Variants in R3HDM1 observed in about 807,000 individuals in gnomAD.
R3HDM1 encodes the protein R3H domain containing 1, also known as R3H domain-containing protein 1.
Under a neutral mutation model 141.1 loss-of-function variants are expected in R3HDM1, and 46 were observed. The observed-to-expected ratio is 0.33, with a 90% CI of 0.26 to 0.42. R3HDM1 has a LOEUF of 0.42. R3HDM1 is among the 10% of genes least tolerant of loss of function. R3HDM1 has a pLI of 1.00. For synonymous variants in R3HDM1, 435 were observed against 472.9 expected (o/e 0.92, Z 1.04); for missense variants, 1,184 against 1,368.3 (o/e 0.87, Z 2.12).
intron 16 of R3HDM1, among the ~76,000 whole-genome samples, chr2:135,646,057 C>T (rs2064360893): frequency 6.6e-6 from 1 of 152,072 alleles, no homozygotes; most frequent in African/African-American, 2.4e-5. Context: ...TTTTCACATT[C>T]AGTCTTTTTC....
At chr2:135,712,100 C>T (rs1384654033) in intron 23 of R3HDM1, among the ~76,000 whole-genome samples, 1 of 151,958 alleles carries the variant, frequency 6.6e-6, no homozygotes, top group Non-Finnish European at 1.5e-5. Context: ...ACAGTTGAAC[C>T]TGGATGATGG....
intron 1 of R3HDM1, among the ~76,000 whole-genome samples, chr2:135,602,024 G>A (rs190011848): frequency 6.7e-6 from 1 of 148,342 alleles, no homozygotes; most frequent in Non-Finnish European, 1.5e-5. Flanking sequence ...AATGTTAAAT[G>A]GCTTGTTATT....
chr2:135,551,370 G>A (rs1699816383), intron 1 of R3HDM1, among the ~76,000 whole-genome samples: 1 of 152,288 alleles, frequency 6.6e-6, no homozygotes, highest in South Asian at 2.1e-4. Flanking sequence ...GTATTAAGTA[G>A]TTTAAAACTA....
chr2:135,635,334 G>A (rs2063154741), intron 9 of R3HDM1, among the ~76,000 whole-genome samples: 1 of 152,180 alleles, frequency 6.6e-6, no homozygotes, highest in Admixed American at 6.5e-5. Flanking sequence ...TTTAGACGAG[G>A]CAGTACAGGC....
intron 3 of R3HDM1, chr2:135,606,010 A>G (rs574945749): frequency 6.6e-6 from 1 of 151,948 alleles, no homozygotes; most frequent in East Asian, 1.9e-4. Context: ...ATATCTCATC[A>G]TTTATCAGTC....
intron 16 of R3HDM1, among the ~76,000 whole-genome samples, chr2:135,649,696 T>G (rs1236346623): frequency 3.9e-5 from 6 of 152,234 alleles, no homozygotes; most frequent in Non-Finnish European, 8.8e-5. Flanking sequence ...TGTAATAAAT[T>G]CAGGCGTACA....
chr2:135,601,636 C>T (rs2059627123), intron 1 of R3HDM1, among the ~76,000 whole-genome samples: 1 of 152,146 alleles, frequency 6.6e-6, no homozygotes, highest in Admixed American at 6.5e-5. Flanking sequence ...ATAAAACCGA[C>T]TTCAAAAATA....
At chr2:135,613,720 G>A (rs1574354564) in intron 3 of R3HDM1, among the ~76,000 whole-genome samples, 1 of 152,184 alleles carries the variant, frequency 6.6e-6, no homozygotes, top group East Asian at 1.9e-4. Context: ...GGAGGCTGAG[G>A]CAGGAGAATT....
intron 7 of R3HDM1, among the ~76,000 whole-genome samples, chr2:135,626,822 C>T (rs1444360805): frequency 6.6e-6 from 1 of 152,126 alleles, no homozygotes; most frequent in Non-Finnish European, 1.5e-5. Flanking sequence ...AATAGTAATA[C>T]TGATATTGGA....
chr2:135,644,183 G>A (rs1054597282), intron 15 of R3HDM1, among the ~76,000 whole-genome samples: 4 of 152,062 alleles, frequency 2.6e-5, no homozygotes, highest in African/African-American at 9.7e-5. Flanking sequence ...GTTACTTTTT[G>A]TAATAAGAAA....
Position 135,602,634 on chromosome 2 carries a change from T to C in R3HDM1, c.-115T>C. ...TACAGTTGACATCCTGGCTGACAAC[T>C]GTGAAAAAGAACCTTGGATTATTTT... On this transcript the variant is annotated 5_prime_UTR_variant, in exon 2 of 27. Transcript: ENST00000683871. 1 of 1,548,186 alleles carries C rather than the reference T, an allele frequency of 6.5e-7. No individual in the cohort carries two copies.
chr2:135,561,253 C>A, intron 1 of R3HDM1: 1 of 975,214 alleles, frequency 1.0e-6, no homozygotes, highest in Non-Finnish European at 1.2e-6. Context: ...AAATTTTTCT[C>A]TTTTTAGTGA....
intron 7 of R3HDM1, among the ~76,000 whole-genome samples, chr2:135,629,755 C>T (rs1456584486): frequency 6.6e-6 from 1 of 152,142 alleles, no homozygotes; most frequent in East Asian, 1.9e-4. Flanking sequence ...TGAAGACCAG[C>T]TCATGCCTGC....
chr2:135,631,703 C>A lies in R3HDM1; in HGVS notation c.498-15C>A. ...GCTAAGTTTTACATATAAGAGTCTTCATACTTTGTTTCAGGGACAGAATGA... is the reference window on the plus strand; with the variant it reads ...GCTAAGTTTTACATATAAGAGTCTTAATACTTTGTTTCAGGGACAGAATGA... On this transcript the variant is annotated splice_polypyrimidine_tract_variant and intron_variant, in intron 7 of 26. Coordinates refer to ENST00000683871, the MANE Select transcript of R3HDM1 (RefSeq NM_001378107.1). 1 of 1,557,052 alleles carries A rather than the reference C, an allele frequency of 6.4e-7. No individual in the cohort carries two copies. The highest frequency in any genetic ancestry group is 8.6e-7 in the Non-Finnish European group (1 of 1,157,148).
At chr2:135,685,036 A>G (rs1268575859) in intron 21 of R3HDM1, among the ~76,000 whole-genome samples, 1 of 152,188 alleles carries the variant, frequency 6.6e-6, no homozygotes, top group Non-Finnish European at 1.5e-5. Flanking sequence ...GTGCTAGGGT[A>G]ACAAGCATGA....
intron 19 of R3HDM1, chr2:135,669,290 T>C: frequency 1.0e-6 from 1 of 985,424 alleles, no homozygotes; most frequent in Non-Finnish European, 1.2e-6. Context: ...ACCTGCTCTT[T>C]TTTAAAGCCC....
At chr2:135,707,046 G>A (rs538956889) in intron 21 of R3HDM1, among the ~76,000 whole-genome samples, 4 of 152,072 alleles carry the variant, frequency 2.6e-5, no homozygotes, top group East Asian at 1.9e-4. Context: ...GCGGCTGGCT[G>A]GGCGGGGGGC....
chr2:135,561,300 A>G (rs1005745847), intron 1 of R3HDM1: 11 of 985,116 alleles, frequency 1.1e-5, no homozygotes, highest in African/African-American at 1.0e-4. Context: ...GTTGGTTCCA[A>G]TTTTGCCTTC....
intron 23 of R3HDM1, among the ~76,000 whole-genome samples, chr2:135,714,011 C>T (rs1236052626): frequency 2.0e-5 from 3 of 151,872 alleles, no homozygotes; most frequent in Non-Finnish European, 4.4e-5. Context: ...ATTAAAAGAT[C>T]ACCACCAAGA....
Sources: allele counts gnomAD v4.1 joint callset (sites outside exome capture counted in the v4.1 genomes callset), GRCh38; gene constraint gnomAD v4.1.1; transcripts MANE v1.5; gene names NCBI Gene and HGNC (gene_info 2026-07-23, HGNC 2026-07-21).